THSD7B: variants seen among roughly 807,000 people sequenced by gnomAD.
The protein encoded by THSD7B is thrombospondin type 1 domain containing 7B, also known as thrombospondin type-1 domain-containing protein 7B.
Under a neutral mutation model 213.6 loss-of-function variants are expected in THSD7B, and 138 were observed. That is an observed-to-expected ratio of 0.65 (90% CI 0.56 to 0.74). The LOEUF is 0.74. THSD7B is among the 30% of genes least tolerant of loss of function. THSD7B has a pLI of 0.00. For missense variants in THSD7B, 1,931 were observed against 1,991.5 expected, an observed-to-expected ratio of 0.97 and a Z score of 0.58; for synonymous variants, 742 against 687.0, an observed-to-expected ratio of 1.08 and a Z score of -1.25.
intron 14 of THSD7B, among the ~76,000 whole-genome samples, chr2:137,417,230 G>A (rs1172703323): frequency 6.6e-6 from 1 of 152,140 alleles, no homozygotes; most frequent in Non-Finnish European, 1.5e-5. Context: ...TAATATTAAT[G>A]TATTTAGAAA....
chr2:136,914,400 C>G (rs1163497326), intron 2 of THSD7B, among the ~76,000 whole-genome samples: 1 of 152,082 alleles, frequency 6.6e-6, no homozygotes, highest in Non-Finnish European at 1.5e-5. Flanking sequence ...CTTTGGCAGA[C>G]TGTTGGGAAG....
At chr2:136,883,403 C>T (rs1476964422) in intron 2 of THSD7B, among the ~76,000 whole-genome samples, 1 of 150,886 alleles carries the variant, frequency 6.6e-6, no homozygotes, top group Non-Finnish European at 1.5e-5. Context: ...GCATTAAAGC[C>T]CCTATAAATT....
At chr2:136,826,549 T>C (rs1271134854) in intron 1 of THSD7B, among the ~76,000 whole-genome samples, 2 of 152,190 alleles carry the variant, frequency 1.3e-5, no homozygotes, top group African/African-American at 4.8e-5. Context: ...CTTTCTTCTC[T>C]CTTCTTCTCC....
At chr2:137,595,710 A>C (rs893658975) in intron 17 of THSD7B, among the ~76,000 whole-genome samples, 1 of 152,000 alleles carries the variant, frequency 6.6e-6, no homozygotes, top group African/African-American at 2.4e-5. Flanking sequence ...TTAAAAATAT[A>C]CTTGTATAGA....
chr2:137,442,509 G>T (rs896616978), intron 14 of THSD7B, among the ~76,000 whole-genome samples: 1 of 151,900 alleles, frequency 6.6e-6, no homozygotes, highest in Non-Finnish European at 1.5e-5. Context: ...TCTTGGGTTG[G>T]CTGGAGACTC....
At chr2:137,570,962 A>C (rs1166835489) in intron 16 of THSD7B, among the ~76,000 whole-genome samples, 2 of 152,222 alleles carry the variant, frequency 1.3e-5, no homozygotes, top group Non-Finnish European at 2.9e-5. Flanking sequence ...AAATAATTAT[A>C]AAATTAATTT....
chr2:136,918,662 A>G (rs142046200), intron 2 of THSD7B, among the ~76,000 whole-genome samples: 3 of 152,318 alleles, frequency 2.0e-5, no homozygotes, highest in African/African-American at 4.8e-5. Flanking sequence ...GAACTTTGTT[A>G]TTCTTCTCCG....
chr2:137,412,612 A>AAC (rs1558788984), intron 14 of THSD7B, among the ~76,000 whole-genome samples: 1 of 123,624 alleles, frequency 8.1e-6, no homozygotes, highest in African/African-American at 3.6e-5. Context: ...AAAAAAAAAC[A>AAC]AAAAAAAACA....
chr2:137,291,841 CTA>C (rs1258074723), intron 12 of THSD7B, among the ~76,000 whole-genome samples: 1 of 152,140 alleles, frequency 6.6e-6, no homozygotes, highest in Non-Finnish European at 1.5e-5. Context: ...AGGTGCCACT[CTA>C]TGAATTTACA....
rs1235744133 is a variant in THSD7B, at chr2:137,575,742, A to ATATATT, written c.3423+3187_3423+3188insATATTT. Among the ~76,000 whole-genome samples the ATATATT allele has an allele frequency of 6.1e-5, 9 of 147,418 alleles. 1 individual carries two copies. Among genetic ancestry groups the ATATATT allele is most frequent in the African/African-American group, 2.0e-4 (8 of 40,936 alleles). Reference sequence around the variant, plus strand: ...ATAACACACATATATATATATATATATTTTTACTTTAACATGCTTACTTTT... The same window carrying ATATATT: ...ATAACACACATATATATATATATATATATATTTTTTTACTTTAACATGCTTACTTTT... On this transcript the variant is annotated intron_variant, in intron 17 of 27. Coordinates refer to ENST00000409968, the MANE Select transcript of THSD7B (RefSeq NM_001316349.2).
chr2:137,648,571 TTGAG>T (rs1683080245), intron 21 of THSD7B, among the ~76,000 whole-genome samples: 1 of 152,174 alleles, frequency 6.6e-6, no homozygotes, highest in South Asian at 2.1e-4. Flanking sequence ...TTCCTTATGG[TTGAG>T]TAATAGTCCA....
intron 15 of THSD7B, among the ~76,000 whole-genome samples, chr2:137,485,773 C>T (rs1447244159): frequency 1.3e-5 from 2 of 152,134 alleles, no homozygotes; most frequent in African/African-American, 2.4e-5. Context: ...CAAAGGGAAG[C>T]CCATCAGACT....
chr2:137,389,861 A>T (rs931067043), intron 12 of THSD7B, among the ~76,000 whole-genome samples: 1 of 152,132 alleles, frequency 6.6e-6, no homozygotes. Flanking sequence ...GTACCTTTGT[A>T]AAAAATCTAT....
intron 12 of THSD7B, among the ~76,000 whole-genome samples, chr2:137,336,830 A>G (rs964976817): frequency 1.3e-5 from 2 of 152,142 alleles, no homozygotes; most frequent in Non-Finnish European, 2.9e-5. Context: ...AAAAATAAGC[A>G]TTTAAATGTC....
chr2:137,182,663 A>G (rs942063521), intron 7 of THSD7B, among the ~76,000 whole-genome samples: 2 of 152,214 alleles, frequency 1.3e-5, no homozygotes, highest in African/African-American at 4.8e-5. Flanking sequence ...TATAGCTGCC[A>G]GCATAGGTTG....
chr2:137,060,698 C>A (rs912112579), intron 3 of THSD7B, among the ~76,000 whole-genome samples: 3 of 151,886 alleles, frequency 2.0e-5, no homozygotes, highest in African/African-American at 7.2e-5. Flanking sequence ...TCTATGCCTT[C>A]AATTTTTATT....
intron 15 of THSD7B, among the ~76,000 whole-genome samples, chr2:137,482,787 T>C (rs6716698): frequency 0.02 from 3,107 of 152,198 alleles, 107 homozygotes; most frequent in African/African-American, 0.071. Context: ...ACCCTGATTG[T>C]GTTCCAGCTT....
At chr2:137,131,052 C>G (rs1037836924) in intron 5 of THSD7B, among the ~76,000 whole-genome samples, 1 of 143,510 alleles carries the variant, frequency 7.0e-6, no homozygotes, top group Admixed American at 7.2e-5. Flanking sequence ...TGTTTCCTGA[C>G]TTTTTAATGA....
At chr2:137,591,017 TC>T (rs1442412419) in intron 17 of THSD7B, among the ~76,000 whole-genome samples, 1 of 151,822 alleles carries the variant, frequency 6.6e-6, no homozygotes, top group Non-Finnish European at 1.5e-5. Flanking sequence ...CTTTAAAAAT[TC>T]CCTTGTGGAA....
Sources: allele counts gnomAD v4.1 joint callset (sites outside exome capture counted in the v4.1 genomes callset), GRCh38; gene constraint gnomAD v4.1.1; transcripts MANE v1.5; gene names NCBI Gene and HGNC (gene_info 2026-07-23, HGNC 2026-07-21).